The following FBXL3 variants were observed in gnomAD, a reference collection of about 807,000 sequenced individuals.
FBXL3 encodes F-box and leucine rich repeat protein 3, also known as F-box/LRR-repeat protein 3.
A neutral mutation model predicts 37.9 loss-of-function variants in FBXL3; 14 were observed. The ratio of observed to expected loss-of-function variants is 0.37; its 90% CI spans 0.24 to 0.58. The LOEUF (loss-of-function observed/expected upper bound fraction) is 0.58. FBXL3 is among the 20% of genes least tolerant of loss of function. The pLI is 0.74. For missense variants in FBXL3, 327 were observed against 511.1 expected, an observed-to-expected ratio of 0.64 and a Z score of 3.47; for synonymous variants, 194 against 180.1, an observed-to-expected ratio of 1.08 and a Z score of -0.62.
rs575776014 is a variant in FBXL3, at chr13:77,018,893, C to CT, written c.349-172dup. On this transcript the variant is annotated intron_variant, in intron 2 of 4. Coordinates refer to ENST00000355619, the MANE Select transcript of FBXL3 (RefSeq NM_012158.4). ...ATTGCATTATAACTTAAAGAATATT[C>CT]TTTCAATCATCCACCCTCCACCCTC... 55 of 544,912 alleles carry CT rather than the reference C, an allele frequency of 1.0e-4. 1 individual carries two copies. In the South Asian group the frequency reaches 3.4e-3, roughly 33 times the overall value. 33.8% of individuals were successfully genotyped at this position (544,912 alleles called of 1,614,324 possible).
Position 77,009,885 on chromosome 13 carries a change from AAAC to A in FBXL3, c.644-2100_644-2098del, listed in dbSNP as rs2034517513. 3 of 152,382 alleles carry A rather than the reference AAAC, an allele frequency of 2.0e-5. No homozygotes were observed. The South Asian group carries it at 6.2e-4, about 32-fold the overall frequency. The allele number at this position is 152,382 out of a possible 1,614,324, so 9.4% of individuals were successfully genotyped here. A position where few individuals can be genotyped will look rare whatever the true frequency, so the allele number is the denominator to read the frequency against. On this transcript the variant is annotated intron_variant, in intron 4 of 4. Transcript: ENST00000355619. The stretch of plus-strand genomic sequence containing the variant: ...CCATCAATGATAGACTAAAGAAAGA[AAAC>A]ATGGCACATATGCACCATGGAATAC...
chr13:77,017,268 A>AT (rs1444687058), intron 3 of FBXL3: 43 of 152,218 alleles, frequency 2.8e-4, no homozygotes, highest in African/African-American at 9.9e-4. Context: ...ATGCATAGTG[A>AT]TAAGAAAAAA....
chr13:77,007,866 A>G (rs764132308), intron 4 of FBXL3, 78 bp from the exon 5 acceptor site: 91 of 1,312,510 alleles, frequency 6.9e-5, no homozygotes, highest in Non-Finnish European at 8.8e-5. Context: ...TACATGTCCC[A>G]CAAAAGTTTG....
chr13:77,024,601 ACTTT>A (rs1364703761), intron 1 of FBXL3, among the ~76,000 whole-genome samples: 1 of 152,176 alleles, frequency 6.6e-6, no homozygotes, highest in Non-Finnish European at 1.5e-5. Context: ...AAAAATAGAA[ACTTT>A]CTTTTGTCTA....
chr13:77,024,794 T>C (rs1440828524), intron 1 of FBXL3, among the ~76,000 whole-genome samples: 9 of 152,204 alleles, frequency 5.9e-5, no homozygotes, highest in Non-Finnish European at 8.8e-5. Context: ...TACAAATAGC[T>C]GAATTAAGTC....
chr13:77,018,828 T>C (rs1368074495), intron 2 of FBXL3, 106 bp from the exon 3 acceptor site: 3 of 879,004 alleles, frequency 3.4e-6, no homozygotes, highest in South Asian at 3.3e-5. Context: ...TATATTTCTC[T>C]GTACACATAT....
chr13:77,026,602 A>C (rs2034843592), intron 1 of FBXL3, among the ~76,000 whole-genome samples: 1 of 151,792 alleles, frequency 6.6e-6, no homozygotes, highest in African/African-American at 2.4e-5. Context: ...CGCCTTGTTG[A>C]CATGTTTGGA....
Position 77,006,862 on chromosome 13 carries a change from C to T in FBXL3, c.*283G>A, listed in dbSNP as rs1488938034. ...ATATTATAACATATAGGTTTTGTTT[C>T]CTTTAGACTGTAAACTGTTTAATAC... On this transcript the variant is annotated 3_prime_UTR_variant, in exon 5 of 5. Coordinates refer to ENST00000355619, the MANE Select transcript of FBXL3 (RefSeq NM_012158.4). 3.4e-6 allele frequency: 4 copies of T among 1,181,976 alleles called. No individual in the cohort carries two copies. Among genetic ancestry groups the T allele is most frequent in the Non-Finnish European group, 4.2e-6 (4 of 952,714 alleles). 73.2% of individuals were successfully genotyped at this position (1,181,976 alleles called of 1,614,324 possible).
intron 2 of FBXL3, chr13:77,018,996 T>C (rs528525348): frequency 1.5e-5 from 4 of 263,214 alleles, no homozygotes; most frequent in Non-Finnish European, 2.1e-5. Context: ...GCTTTCATTA[T>C]GATAAGAGAC....
At chr13:77,022,043 G>A (rs2034754128) in intron 1 of FBXL3, among the ~76,000 whole-genome samples, 182 bp from the exon 2 acceptor site, 1 of 151,948 alleles carries the variant, frequency 6.6e-6, no homozygotes, top group Non-Finnish European at 1.5e-5. Context: ...GGCCAACAAT[G>A]GTTTTATAAA....
rs755236079 is a variant in FBXL3, at chr13:77,021,833, G to A, written c.28C>T (p.Arg10Cys). Reference protein sequence around the residue: MKRGGRDSDRNSSEEGTAEK... With the variant: MKRGGRDSDCNSSEEGTAEK... ...GCAGTTCCTTCTTCTGATGAATTAC[G>A]GTCACTATCTCTTCCTCCTCGTTTC... Residue 10 changes from arginine to cysteine, a missense_variant, in exon 2 of 5, where the codon CGT becomes TGT. By Grantham distance (180) the Arg-to-Cys change is radical (BLOSUM62 -3). Transcript: ENST00000355619. 3.2e-5 allele frequency: 51 copies of A among 1,611,812 alleles called. No individual in the cohort carries two copies. Among genetic ancestry groups the A allele is most frequent in the South Asian group, 6.6e-5 (6 of 91,034 alleles).
At chr13:77,023,345 A>AGAGAGAGAGAGTGTGTGT (rs199568005) in intron 1 of FBXL3, among the ~76,000 whole-genome samples, 12 of 147,600 alleles carry the variant, frequency 8.1e-5, no homozygotes, top group East Asian at 2.0e-4. Context: ...AGAGAGAGAG[A>AGAGAGAGAGAGTGTGTGT]GTGTGTGTGT....
At chr13:77,011,990 G>A (rs2034563306) in intron 4 of FBXL3, among the ~76,000 whole-genome samples, 1 of 152,158 alleles carries the variant, frequency 6.6e-6, no homozygotes, top group South Asian at 2.1e-4. Flanking sequence ...AATGTGCACA[G>A]CAGCATTATT....
intron 1 of FBXL3, among the ~76,000 whole-genome samples, chr13:77,022,746 T>C (rs1472258176): frequency 6.6e-6 from 1 of 152,238 alleles, no homozygotes; most frequent in Non-Finnish European, 1.5e-5. Context: ...TATACCTATT[T>C]GTTTATTCTA....
chr13:77,022,382 G>C (rs374472008), intron 1 of FBXL3, among the ~76,000 whole-genome samples: 1 of 152,162 alleles, frequency 6.6e-6, no homozygotes, highest in African/African-American at 2.4e-5. Flanking sequence ...CCCATAGCAG[G>C]AAGTGAGCAA....
chr13:77,016,052 T>C lies in FBXL3; in HGVS notation c.472-472A>G, dbSNP rs1291849276. On this transcript the variant is annotated intron_variant, in intron 3 of 4. Transcript: ENST00000355619. ...ATCTATGACAGACTCATTTGAGATA[T>C]GAAAACTCATAGAAAATTTGATTAT... The C allele has an allele frequency of 4.6e-5, 7 of 152,382 alleles. No individual in the cohort carries two copies. The South Asian group carries it at 6.2e-4, about 14-fold the overall frequency. 9.4% of individuals were successfully genotyped at this position (152,382 alleles called of 1,614,324 possible).
intron 2 of FBXL3, among the ~76,000 whole-genome samples, chr13:77,020,174 C>G (rs974988024): frequency 1.3e-5 from 2 of 152,116 alleles, no homozygotes; most frequent in Non-Finnish European, 2.9e-5. Context: ...AGATAATATA[C>G]TAGACACCAA....
At chr13:77,026,465 A>G (rs2034840452) in intron 1 of FBXL3, 1 of 730,996 alleles carries the variant, frequency 1.4e-6, no homozygotes, top group Non-Finnish European at 1.7e-6. Context: ...GAGAGCCCAC[A>G]GAGTGCGAGC....
intron 2 of FBXL3, among the ~76,000 whole-genome samples, chr13:77,020,038 C>T (rs141550435): frequency 6.6e-6 from 1 of 152,208 alleles, no homozygotes; most frequent in Non-Finnish European, 1.5e-5. Flanking sequence ...CATTAGAACA[C>T]TCTTACACAA....
Sources: gnomAD v4.1 joint callset for allele counts (sites outside exome capture counted in the v4.1 genomes callset) on GRCh38, gnomAD v4.1.1 for gene constraint, MANE v1.5 for transcripts, NCBI Gene and HGNC (gene_info 2026-07-23, HGNC 2026-07-21) for gene names.